OGDH: variants seen among roughly 807,000 people sequenced by gnomAD.
OGDH encodes the protein oxoglutarate dehydrogenase.
OGDH carries 38 observed loss-of-function variants against 116.6 expected under a neutral mutation model. The ratio of observed to expected loss-of-function variants is 0.33; its 90% confidence interval spans 0.25 to 0.43. OGDH has a LOEUF of 0.43. Ranked by LOEUF, OGDH falls within the 20% of genes least tolerant of loss-of-function variation. OGDH has a pLI of 1.00. For synonymous variants in OGDH, 488 were observed against 533.3 expected, an observed-to-expected ratio of 0.92 and a Z score of 1.17; for missense variants, 825 against 1,357.2, an observed-to-expected ratio of 0.61 and a Z score of 6.16.
chr7:44,674,679 C>T (rs1300779167), intron 7 of OGDH, 122 bp downstream of exon 7: 7 of 1,058,242 alleles, frequency 6.6e-6, no homozygotes, highest in Non-Finnish European at 9.8e-6. Context: ...TGAGTCTGGG[C>T]TCATCTGGTA....
At chr7:44,632,927 A>G (rs187732556) in intron 2 of OGDH, among the ~76,000 whole-genome samples, 2 of 151,936 alleles carry the variant, frequency 1.3e-5, no homozygotes, top group Non-Finnish European at 2.9e-5. Flanking sequence ...ATTTTGTTTA[A>G]TGTCAGAAAT....
intron 19 of OGDH, 82 bp from the exon 20 acceptor site, chr7:44,701,461 G>A (rs542385307): frequency 4.2e-5 from 53 of 1,254,942 alleles, no homozygotes; most frequent in Admixed American, 2.6e-4. Flanking sequence ...TGAAGGTCAA[G>A]GCTTGGGTAG....
intron 1 of OGDH, among the ~76,000 whole-genome samples, chr7:44,618,782 C>T (rs991266640): frequency 1.3e-5 from 2 of 152,114 alleles, no homozygotes; most frequent in African/African-American, 2.4e-5. Context: ...GTCTTGGAGC[C>T]GGCAATAAAG....
In OGDH at chr7:44,616,258, A is replaced by C. The variant is rs534097132; in HGVS notation, c.-27-8059A>C. The stretch of plus-strand genomic sequence containing the variant: ...AATTTACACTCTATCAATACCTTTT[A>C]AAAGTGCCTATTTATCTACACCCTC... On this transcript the variant is annotated intron_variant, in intron 1 of 22. Transcript: ENST00000222673. 2.6e-5 allele frequency among the ~76,000 whole-genome samples: 4 copies of C among 152,246 alleles called. No individual in the cohort carries two copies. In the South Asian group the frequency reaches 8.3e-4, roughly 32 times the overall value.
intron 10 of OGDH, among the ~76,000 whole-genome samples, chr7:44,692,331 GA>G (rs1788399574): frequency 6.6e-6 from 1 of 152,212 alleles, no homozygotes; most frequent in African/African-American, 2.4e-5. Context: ...GGAAAGTAGA[GA>G]CTAAAGGAAG....
intron 7 of OGDH, 154 bp downstream of exon 7, chr7:44,674,711 A>C: frequency 1.3e-6 from 1 of 798,674 alleles, no homozygotes; most frequent in Non-Finnish European, 2.0e-6. Context: ...ATTGCTTTGC[A>C]GGGGATTCTC....
chr7:44,610,592 G>A (rs562390448), intron 1 of OGDH, among the ~76,000 whole-genome samples: 2 of 151,798 alleles, frequency 1.3e-5, no homozygotes, highest in African/African-American at 4.8e-5. Context: ...GTGAGCCACT[G>A]CTCCTAGCCC....
chr7:44,678,785 A>G (rs1035714163), intron 9 of OGDH, among the ~76,000 whole-genome samples: 4 of 152,196 alleles, frequency 2.6e-5, no homozygotes, highest in South Asian at 2.1e-4. Flanking sequence ...CCCATAGGAC[A>G]TGATTTGATT....
chr7:44,696,000 C>T (rs771566301), intron 12 of OGDH, 25 bp from the exon 13 acceptor site: 25 of 1,312,942 alleles, frequency 1.9e-5, no homozygotes, highest in South Asian at 5.9e-5. Context: ...GTGCCAGTCA[C>T]GCTGTGTTGT....
At chr7:44,685,085 C>G (rs1285101328) in intron 10 of OGDH, among the ~76,000 whole-genome samples, 2 of 152,024 alleles carry the variant, frequency 1.3e-5, no homozygotes, top group Non-Finnish European at 2.9e-5. Flanking sequence ...CGCTCCTGGC[C>G]TTTTTTCTGT....
chr7:44,660,495 C>A (rs1786888305), intron 4 of OGDH, among the ~76,000 whole-genome samples: 1 of 152,050 alleles, frequency 6.6e-6, no homozygotes, highest in Non-Finnish European at 1.5e-5. Context: ...GGAGAATGCA[C>A]CCTATATGAT....
At chr7:44,657,224 C>A (rs1786729544) in intron 4 of OGDH, among the ~76,000 whole-genome samples, 1 of 152,164 alleles carries the variant, frequency 6.6e-6, no homozygotes, top group Non-Finnish European at 1.5e-5. Flanking sequence ...CCTCCTGTTG[C>A]CCTTTTATGA....
chr7:44,696,190 C>T (rs989155965), intron 13 of OGDH, 63 bp downstream of exon 13: 2 of 1,260,402 alleles, frequency 1.6e-6, no homozygotes, highest in African/African-American at 2.9e-5. Context: ...GAGGCATCCT[C>T]TTCCCAGAAA....
intron 2 of OGDH, among the ~76,000 whole-genome samples, chr7:44,625,236 T>C (rs1009301052): frequency 8.5e-5 from 13 of 152,186 alleles, no homozygotes; most frequent in Non-Finnish European, 1.6e-4. Flanking sequence ...GTGATTCTTA[T>C]GCCTCAGCCT....
At chr7:44,691,052 TC>T (rs1458011609) in intron 10 of OGDH, among the ~76,000 whole-genome samples, 1 of 152,198 alleles carries the variant, frequency 6.6e-6, no homozygotes, top group African/African-American at 2.4e-5. Context: ...GCTAATATTT[TC>T]TTTATCTCTT....
At chr7:44,627,751 C>A (rs1028632500) in intron 2 of OGDH, among the ~76,000 whole-genome samples, 1 of 152,164 alleles carries the variant, frequency 6.6e-6, no homozygotes, top group African/African-American at 2.4e-5. Context: ...GATCTCAGCT[C>A]ACTGCAACCT....
intron 1 of OGDH, chr7:44,622,907 A>C (rs1785056980): frequency 2.0e-5 from 3 of 152,196 alleles, no homozygotes. Context: ...CTATCTGTAA[A>C]GTGAAAGAGC....
Position 44,676,146 on chromosome 7 carries a change from AAAGGT to A in OGDH, c.1206+2_1206+6del. On this transcript the variant is annotated splice_donor_variant and coding_sequence_variant, in exon 9 of 23. Coordinates refer to ENST00000222673, the MANE Select transcript of OGDH (RefSeq NM_002541.4). LOFTEE classifies it high-confidence loss of function. ...TTTACTGTGGCGACACTGAAGGGAA[AAAGGT>A]AAGGCCCAGAGAGAGGCGTGCAAGG... 6.2e-7 allele frequency: 1 copy of A among 1,614,172 alleles called. No individual in the cohort carries two copies. Among genetic ancestry groups the A allele is most frequent in the Non-Finnish European group, 8.5e-7 (1 of 1,180,030 alleles).
intron 6 of OGDH, 76 bp downstream of exon 6, chr7:44,674,017 T>G (rs1242893642): frequency 1.2e-5 from 19 of 1,569,708 alleles, no homozygotes; most frequent in Non-Finnish European, 1.6e-5. Flanking sequence ...ATCGGGCCTG[T>G]GTGCAGCCTG....
Sources: allele counts gnomAD v4.1 joint callset (sites outside exome capture counted in the v4.1 genomes callset), GRCh38; gene constraint gnomAD v4.1.1; transcripts MANE v1.5; gene names NCBI Gene and HGNC (gene_info 2026-07-23, HGNC 2026-07-21).